Variants in MYT1L observed in about 807,000 individuals in gnomAD.
MYT1L encodes the protein myelin transcription factor 1-like protein.
Under a neutral mutation model 126.7 loss-of-function variants are expected in MYT1L, and 12 were observed. The observed-to-expected ratio is 0.09, with a 90% CI of 0.06 to 0.15. The LOEUF (loss-of-function observed/expected upper bound fraction) is 0.15, where lower values mean the gene tolerates loss of function less well. Ranked by LOEUF, MYT1L falls within the 10% of genes least tolerant of loss-of-function variation. The pLI, the probability that MYT1L is intolerant of heterozygous loss-of-function variation, is 1.00. For missense variants in MYT1L, 979 were observed against 1,585.2 expected, an observed-to-expected ratio of 0.62 and a Z score of 6.49; for synonymous variants, 541 against 604.2, an observed-to-expected ratio of 0.90 and a Z score of 1.53.
At chr2:1,896,957 T>G (rs2049668943) in intron 14 of MYT1L, among the ~76,000 whole-genome samples, 1 of 152,172 alleles carries the variant, frequency 6.6e-6, no homozygotes, top group South Asian at 2.1e-4. Context: ...GCATTGACTT[T>G]CCCAGATATT....
chr2:2,210,343 C>T (rs1990855), intron 2 of MYT1L, among the ~76,000 whole-genome samples: 46,707 of 152,060 alleles, frequency 0.31, 7,598 homozygotes, highest in African/African-American at 0.42. Context: ...TAGAGCATTT[C>T]CCCAATGCTT....
At chr2:1,969,111 T>C (rs1286092481) in intron 8 of MYT1L, among the ~76,000 whole-genome samples, 8 of 152,214 alleles carry the variant, frequency 5.3e-5, no homozygotes, top group African/African-American at 1.7e-4. Context: ...TGAACAGAAG[T>C]GAAACAGAAG....
intron 4 of MYT1L, among the ~76,000 whole-genome samples, chr2:2,034,345 C>T (rs1351173677): frequency 2.3e-5 from 3 of 129,266 alleles, no homozygotes; most frequent in Non-Finnish European, 4.8e-5. Flanking sequence ...TTCTCCCCAA[C>T]AATCTCCACC....
chr2:2,067,254 T>TA (rs1182600185), intron 3 of MYT1L, among the ~76,000 whole-genome samples: 1 of 152,086 alleles, frequency 6.6e-6, no homozygotes, highest in East Asian at 1.9e-4. Context: ...TAAAATAGAA[T>TA]AAAAACCTGT....
chr2:2,172,932 A>G lies in MYT1L; in HGVS notation c.-364T>C, dbSNP rs2090271109. The G allele has an allele frequency of 1.3e-5, 2 of 152,312 alleles. No homozygotes were observed. Among genetic ancestry groups the G allele is most frequent in the Non-Finnish European group, 2.9e-5 (2 of 68,104 alleles). 9.4% of individuals were successfully genotyped at this position (152,312 alleles called of 1,614,324 possible). Reference sequence around the variant, plus strand: ...ACCTGATATTCTTCCGCCGTCGACCAGGGTTTGAAGATGCCCACTGGATAG... The same window carrying G: ...ACCTGATATTCTTCCGCCGTCGACCGGGGTTTGAAGATGCCCACTGGATAG... On this transcript the variant is annotated 5_prime_UTR_variant, in exon 3 of 25. Transcript: ENST00000647738.
Position 1,917,167 on chromosome 2 carries a change from T to C in MYT1L, c.1618+38A>G. 6.3e-7 allele frequency: 1 copy of C among 1,595,476 alleles called. No individual in the cohort carries two copies. Among genetic ancestry groups the C allele is most frequent in the Non-Finnish European group, 8.6e-7 (1 of 1,166,698 alleles). On this transcript the variant is annotated intron_variant, in intron 11 of 24. Transcript: ENST00000647738. The surrounding 1 kb of genome is among the most constrained non-coding windows in gnomAD (Gnocchi z 5.9). ...GATGACAGAGACAGAGTCATGGGTG[T>C]TTGCACCCCCAAGGGTAGCGGTGAG...
At chr2:1,866,179 C>T (rs890268356) in intron 18 of MYT1L, among the ~76,000 whole-genome samples, 10 of 152,126 alleles carry the variant, frequency 6.6e-5, no homozygotes, top group African/African-American at 1.9e-4. Context: ...TAGGTCAAGC[C>T]GAGGTGGAGA....
intron 3 of MYT1L, among the ~76,000 whole-genome samples, chr2:2,067,855 T>C (rs1263394902): frequency 6.6e-6 from 1 of 151,990 alleles, no homozygotes; most frequent in African/African-American, 2.4e-5. Context: ...CAATAAAAGA[T>C]AGTGCAGAAA....
intron 12 of MYT1L, among the ~76,000 whole-genome samples, chr2:1,911,374 C>CCA (rs2149026643): frequency 6.6e-6 from 1 of 151,888 alleles, no homozygotes; most frequent in South Asian, 2.1e-4. Context: ...CACTTTTTGG[C>CCA]CTCTGGGAAA....
At chr2:2,022,023 G>C (rs1277990508) in intron 4 of MYT1L, among the ~76,000 whole-genome samples, 1 of 152,214 alleles carries the variant, frequency 6.6e-6, no homozygotes, top group Non-Finnish European at 1.5e-5. Flanking sequence ...CAGCACAAAA[G>C]GGGCTGAAAA....
intron 15 of MYT1L, among the ~76,000 whole-genome samples, 162 bp downstream of exon 15, chr2:1,891,875 A>C (rs958534806): frequency 6.6e-6 from 1 of 152,116 alleles, no homozygotes; most frequent in African/African-American, 2.4e-5. Flanking sequence ...AGGCTGCGTT[A>C]AGGGAAGCTG....
In MYT1L at chr2:2,155,025, G is replaced by T. The variant is rs539471121; in HGVS notation, c.-304+17847C>A. Among the ~76,000 whole-genome samples, 172 of 152,306 alleles carry T rather than the reference G, an allele frequency of 1.1e-3. 1 individual carries two copies. The highest frequency in any genetic ancestry group is 3.5e-3 in the African/African-American group (146 of 41,576). ...GCCTGTAATCCCAGCTACTCGGGAG[G>T]CTGAGGCAGGAGAATCTCTTGAACC... On this transcript the variant is annotated intron_variant, in intron 3 of 24. Transcript: ENST00000647738.
At position 2,147,272 on chromosome 2, in the gene MYT1L, C is replaced by A. The variant is rs191206994; in HGVS notation, c.-304+25600G>T. Among the ~76,000 whole-genome samples the A allele has an allele frequency of 4.6e-3, 700 of 152,298 alleles. 3 individuals are homozygous for A. The highest frequency in any genetic ancestry group is 0.016 in the African/African-American group (676 of 41,582). ...GGATGCTTGCAAGTCTGTGTCAGAGCGTTGGTGTCAAACAAAACCTGGAAG... is the reference window on the plus strand; with the variant it reads ...GGATGCTTGCAAGTCTGTGTCAGAGAGTTGGTGTCAAACAAAACCTGGAAG... On this transcript the variant is annotated intron_variant, in intron 3 of 24. Transcript: ENST00000647738.
chr2:2,065,539 C>T (rs1195518812), intron 3 of MYT1L, among the ~76,000 whole-genome samples: 1 of 151,952 alleles, frequency 6.6e-6, no homozygotes, highest in Non-Finnish European at 1.5e-5. Context: ...TTTTAATCAC[C>T]CTCCCCTAAC....
intron 3 of MYT1L, among the ~76,000 whole-genome samples, chr2:2,078,887 A>G (rs1333393150): frequency 1.3e-5 from 2 of 152,208 alleles, no homozygotes; most frequent in African/African-American, 4.8e-5. Context: ...CCCCAAATTC[A>G]TATGTTGAAA....
intron 18 of MYT1L, among the ~76,000 whole-genome samples, chr2:1,863,968 A>T (rs1344752706): frequency 6.6e-6 from 1 of 152,152 alleles, no homozygotes; most frequent in East Asian, 1.9e-4. Flanking sequence ...TCAGGAGAGG[A>T]GCTCAAGGAC....
chr2:2,285,892 C>T (rs1178504263), intron 1 of MYT1L, among the ~76,000 whole-genome samples: 2 of 152,200 alleles, frequency 1.3e-5, no homozygotes, highest in African/African-American at 2.4e-5. Flanking sequence ...CTTCCCAACT[C>T]GAGGGTGCTT....
chr2:1,929,617 AT>A lies in MYT1L; in HGVS notation c.506-6355del, dbSNP rs1189572611. ...GTCTGTCCATATGCACAGTTCAGTG[AT>A]TTCTGAGTTAACAGAGGTTAAAATT... is the stretch of plus-strand genomic sequence containing the variant. On this transcript the variant is annotated intron_variant, in intron 9 of 24. Transcript: ENST00000647738. This position sits in a 1 kb window ranked among gnomAD's most constrained non-coding sequence, Gnocchi z 4.7. Among the ~76,000 whole-genome samples the A allele has an allele frequency of 2.6e-5, 4 of 152,218 alleles. No individual in the cohort carries two copies. Among genetic ancestry groups the A allele is most frequent in the African/African-American group, 9.6e-5 (4 of 41,460 alleles).
Position 2,328,761 on chromosome 2 carries a change from C to G in MYT1L, c.-521+2206G>C, listed in dbSNP as rs141780708. On this transcript the variant is annotated intron_variant, in intron 1 of 24. Coordinates refer to ENST00000647738, the MANE Select transcript of MYT1L (RefSeq NM_001303052.2). ...ATGTTTACAATTTTCCAACCCACAA[C>G]TATACATATATACAAGTAATTTTTA... Among the ~76,000 whole-genome samples, 55 of 152,270 alleles carry G rather than the reference C, an allele frequency of 3.6e-4. No homozygotes were observed. The East Asian group carries it at 9.1e-3, about 25-fold the overall frequency.
Sources: gnomAD v4.1 joint callset for allele counts (sites outside exome capture counted in the v4.1 genomes callset) on GRCh38, gnomAD v4.1.1 for gene constraint, Gnocchi (gnomAD v3.1) non-coding constraint, MANE v1.5 for transcripts, NCBI Gene and HGNC (gene_info 2026-07-23, HGNC 2026-07-21) for gene names.